GUCY1A2: variants seen among roughly 807,000 people sequenced by gnomAD.
The protein encoded by GUCY1A2 is guanylate cyclase 1 soluble subunit alpha 2.
A neutral mutation model predicts 63.5 loss-of-function variants in GUCY1A2; 27 were observed. That is an observed-to-expected ratio of 0.43 (90% confidence interval 0.31 to 0.59). GUCY1A2 has a LOEUF of 0.59. Ranked by LOEUF, GUCY1A2 falls within the 20% of genes least tolerant of loss-of-function variation. GUCY1A2 has a pLI of 0.11. For missense variants in GUCY1A2, 768 were observed against 913.3 expected (o/e 0.84, Z 2.05); for synonymous variants, 364 against 343.5 (o/e 1.06, Z -0.66).
intron 4 of GUCY1A2, among the ~76,000 whole-genome samples, chr11:106,883,823 A>C (rs540079994): frequency 4.6e-5 from 7 of 152,150 alleles, no homozygotes; most frequent in Non-Finnish European, 8.8e-5. Flanking sequence ...AGGTGTTGAA[A>C]GTGTGGCACA....
chr11:107,015,561 C>CAAAAAAA lies in GUCY1A2; in HGVS notation c.303+2185_303+2191dup, dbSNP rs568139219. On this transcript the variant is annotated intron_variant, in intron 1 of 7. Transcript: ENST00000526355. ...TTAGAAATCTGTAAATTCTCTTAGG[C>CAAAAAAA]AAAAAAAAAAAAAAAAAAAAAAAAA... 8.0e-4 allele frequency among the ~76,000 whole-genome samples: 22 copies of CAAAAAAA among 27,508 alleles called. 3 individuals carry two copies. The highest frequency in any genetic ancestry group is 2.5e-3 in the African/African-American group (22 of 8,754). 18.0% of individuals were successfully genotyped at this position (27,508 alleles called of 152,430 possible). A position where few individuals can be genotyped will look rare whatever the true frequency, so the allele number is the denominator to read the frequency against.
At chr11:106,874,780 G>GA in intron 4 of GUCY1A2, among the ~76,000 whole-genome samples, 1 of 151,768 alleles carries the variant, frequency 6.6e-6, no homozygotes, top group East Asian at 1.9e-4. Context: ...AAAAAAACTG[G>GA]AAAAAAATAT....
intron 7 of GUCY1A2, among the ~76,000 whole-genome samples, chr11:106,700,845 T>C (rs986343342): frequency 2.0e-5 from 3 of 152,092 alleles, no homozygotes; most frequent in Admixed American, 1.3e-4. Flanking sequence ...TAAGAATTTC[T>C]TGAAGTTTCT....
intron 1 of GUCY1A2, among the ~76,000 whole-genome samples, chr11:107,003,395 A>C (rs1263477711): frequency 1.3e-5 from 2 of 152,058 alleles, no homozygotes. Context: ...ACACAAAAAA[A>C]TCCTGTCACC....
At chr11:106,762,970 C>A (rs1436227850) in intron 6 of GUCY1A2, among the ~76,000 whole-genome samples, 2 of 151,808 alleles carry the variant, frequency 1.3e-5, no homozygotes, top group Non-Finnish European at 2.9e-5. Context: ...TCCTGTGAAC[C>A]AAATATATAA....
intron 3 of GUCY1A2, among the ~76,000 whole-genome samples, chr11:106,975,588 G>A (rs1409229593): frequency 6.6e-6 from 1 of 152,068 alleles, no homozygotes; most frequent in African/African-American, 2.4e-5. Context: ...CACAGCAATT[G>A]GCAAAGCACC....
intron 2 of GUCY1A2, among the ~76,000 whole-genome samples, chr11:106,985,473 GTTA>G (rs1247951418): frequency 2.0e-5 from 3 of 152,100 alleles, no homozygotes; most frequent in Non-Finnish European, 2.9e-5. Context: ...CCTTGATTTA[GTTA>G]TTATTATCAT....
chr11:106,695,094 G>T (rs959642704), intron 7 of GUCY1A2, among the ~76,000 whole-genome samples: 1 of 152,130 alleles, frequency 6.6e-6, no homozygotes, highest in African/African-American at 2.4e-5. Flanking sequence ...TAGGACCTGA[G>T]ACTTCAGCTT....
chr11:107,011,606 T>C (rs930931267), intron 1 of GUCY1A2, among the ~76,000 whole-genome samples: 2 of 146,484 alleles, frequency 1.4e-5, no homozygotes, highest in African/African-American at 2.5e-5. Context: ...ATATCTTTAA[T>C]ATATATAAAA....
At chr11:106,819,731 T>C (rs1858876686) in intron 4 of GUCY1A2, among the ~76,000 whole-genome samples, 1 of 152,202 alleles carries the variant, frequency 6.6e-6, no homozygotes, top group Non-Finnish European at 1.5e-5. Flanking sequence ...ATTTGTTTTA[T>C]TGGAGTGGTT....
At chr11:106,727,284 C>A (rs914433602) in intron 6 of GUCY1A2, among the ~76,000 whole-genome samples, 2 of 152,172 alleles carry the variant, frequency 1.3e-5, no homozygotes, top group African/African-American at 4.8e-5. Context: ...GTCATCCTGA[C>A]AACATGAGAC....
intron 4 of GUCY1A2, among the ~76,000 whole-genome samples, chr11:106,911,284 G>A (rs1468032167): frequency 2.0e-5 from 3 of 151,920 alleles, no homozygotes; most frequent in East Asian, 1.9e-4. Flanking sequence ...TGAGCCCAAA[G>A]TAAGAGAAAA....
intron 1 of GUCY1A2, among the ~76,000 whole-genome samples, chr11:106,993,666 G>A (rs914241781): frequency 5.9e-5 from 9 of 151,550 alleles, no homozygotes; most frequent in Admixed American, 2.6e-4. Context: ...GAAAGTCCTC[G>A]GGGGAAAAAA....
chr11:107,006,927 TA>T (rs1180897407), intron 1 of GUCY1A2, among the ~76,000 whole-genome samples: 2 of 152,224 alleles, frequency 1.3e-5, no homozygotes, highest in Non-Finnish European at 2.9e-5. Context: ...ATAGCTCACT[TA>T]GAATGTTTGA....
chr11:106,855,893 TTTTATTTA>T (rs200600627), intron 4 of GUCY1A2, among the ~76,000 whole-genome samples: 24,726 of 94,302 alleles, frequency 0.26, 2,177 homozygotes, highest in Middle Eastern at 0.31. Context: ...GTCTCTTGTA[TTTTATTTA>T]TTTATTTATT....
chr11:107,003,804 G>A (rs1185962048), intron 1 of GUCY1A2, among the ~76,000 whole-genome samples: 1 of 152,188 alleles, frequency 6.6e-6, no homozygotes, highest in Non-Finnish European at 1.5e-5. Context: ...TCTCCAGGAA[G>A]CAGACTCTAA....
At chr11:106,830,424 C>A (rs545231852) in intron 4 of GUCY1A2, among the ~76,000 whole-genome samples, 2 of 152,258 alleles carry the variant, frequency 1.3e-5, no homozygotes, top group South Asian at 4.1e-4. Context: ...CTGGGTGTGT[C>A]TGTGAGGGTG....
intron 6 of GUCY1A2, among the ~76,000 whole-genome samples, chr11:106,769,463 G>A (rs1445077390): frequency 6.6e-6 from 1 of 152,108 alleles, no homozygotes; most frequent in Non-Finnish European, 1.5e-5. Context: ...GTAGAATGAG[G>A]CATTGATTAT....
At chr11:106,984,975 A>T (rs536201542) in intron 2 of GUCY1A2, among the ~76,000 whole-genome samples, 17 of 152,338 alleles carry the variant, frequency 1.1e-4, no homozygotes, top group African/African-American at 4.1e-4. Flanking sequence ...CTTTTAAATG[A>T]CAATTAACAT....
Sources: allele counts gnomAD v4.1 joint callset (sites outside exome capture counted in the v4.1 genomes callset), GRCh38; gene constraint gnomAD v4.1.1; transcripts MANE v1.5; gene names NCBI Gene and HGNC (gene_info 2026-07-23, HGNC 2026-07-21).